PTPRT: variants seen among roughly 807,000 people sequenced by gnomAD.
PTPRT encodes the protein protein tyrosine phosphatase receptor type T, also known as receptor-type tyrosine-protein phosphatase T.
PTPRT carries 56 observed loss-of-function variants against 176.8 expected under a neutral mutation model. The observed-to-expected ratio is 0.32, with a 90% CI of 0.26 to 0.40. The LOEUF (loss-of-function observed/expected upper bound fraction) is 0.40. PTPRT is among the 10% of genes least tolerant of loss of function. The pLI is 1.00. For synonymous variants in PTPRT, 783 were observed against 739.0 expected (o/e 1.06, Z -0.96); for missense variants, 1,540 against 1,908.2 (o/e 0.81, Z 3.60).
intron 15 of PTPRT, among the ~76,000 whole-genome samples, chr20:42,215,183 C>T (rs1352295926): frequency 6.6e-6 from 1 of 152,102 alleles, no homozygotes; most frequent in African/African-American, 2.4e-5. Context: ...GCTGTCTGAG[C>T]TCTGAACCCC....
intron 1 of PTPRT, among the ~76,000 whole-genome samples, chr20:42,979,014 G>A (rs1031641616): frequency 9.2e-5 from 14 of 152,190 alleles, no homozygotes; most frequent in East Asian, 3.9e-4. Flanking sequence ...TTTCTTGCAC[G>A]AGATCAAAGA....
In PTPRT at chr20:42,085,933, C is replaced by A. The variant is rs552563844; in HGVS notation, c.3847-80G>T. On this transcript the variant is annotated intron_variant, in intron 27 of 30. Coordinates refer to ENST00000373187, the MANE Select transcript of PTPRT (RefSeq NM_007050.6). ...AAGTCTCATTTATCAACAAGCTTTTCTTTTCTTTTTTTCTTTTTCTTTTTT... is the reference window on the plus strand; with the variant it reads ...AAGTCTCATTTATCAACAAGCTTTTATTTTCTTTTTTTCTTTTTCTTTTTT... 2.0e-5 allele frequency: 28 copies of A among 1,420,664 alleles called. No homozygotes were observed. In the East Asian group the frequency reaches 6.0e-4, roughly 30 times the overall value. The allele number at this position is 1,420,664 out of a possible 1,614,324, so 88.0% of individuals were successfully genotyped here. A position where few individuals can be genotyped will look rare whatever the true frequency, so the allele number is the denominator to read the frequency against.
chr20:42,115,695 T>C (rs1417873282), intron 21 of PTPRT, among the ~76,000 whole-genome samples: 1 of 152,228 alleles, frequency 6.6e-6, no homozygotes, highest in Admixed American at 6.5e-5. Flanking sequence ...TCCAAGGCCA[T>C]GTGGCCAGTT....
chr20:42,632,655 T>C (rs558096998), intron 7 of PTPRT, among the ~76,000 whole-genome samples: 1 of 149,782 alleles, frequency 6.7e-6, no homozygotes, highest in African/African-American at 2.4e-5. Flanking sequence ...ATTTATGTAA[T>C]ATTACTAATT....
At chr20:42,707,521 G>C (rs116751158) in intron 6 of PTPRT, among the ~76,000 whole-genome samples, 2,801 of 152,228 alleles carry the variant, frequency 0.018, 94 homozygotes, top group African/African-American at 0.063. Flanking sequence ...TCCATTTTTG[G>C]CTTTGAAGAT....
chr20:42,120,535 C>G (rs79279671), intron 19 of PTPRT, among the ~76,000 whole-genome samples: 6,826 of 152,278 alleles, frequency 0.045, 493 homozygotes, highest in African/African-American at 0.15. Context: ...TTATGGAAGG[C>G]TGACCTGGGA....
At chr20:42,082,382 T>G (rs1983420406) in intron 29 of PTPRT, among the ~76,000 whole-genome samples, 1 of 152,238 alleles carries the variant, frequency 6.6e-6, no homozygotes, top group African/African-American at 2.4e-5. Flanking sequence ...GTACTGTGTC[T>G]TTGTACATGT....
the PTPRT span, among the ~76,000 whole-genome samples, chr20:42,060,850 G>C: frequency 9.9e-5 from 15 of 152,202 alleles, no homozygotes; most frequent in Admixed American, 2.0e-4. Flanking sequence ...TGCCTTTGAA[G>C]TTCCTTGCAT....
the PTPRT span, among the ~76,000 whole-genome samples, chr20:42,035,401 G>T: frequency 6.6e-6 from 1 of 152,090 alleles, no homozygotes; most frequent in Non-Finnish European, 1.5e-5. Flanking sequence ...CTCCATACCA[G>T]CTCCCAAGAG....
At chr20:42,180,892 T>C (rs969650106) in intron 16 of PTPRT, among the ~76,000 whole-genome samples, 2 of 152,178 alleles carry the variant, frequency 1.3e-5, no homozygotes, top group African/African-American at 2.4e-5. Flanking sequence ...AAGAGAAAGA[T>C]TAAGTTTAAA....
At chr20:42,453,138 G>A (rs1421397087) in intron 8 of PTPRT, among the ~76,000 whole-genome samples, 4 of 152,064 alleles carry the variant, frequency 2.6e-5, no homozygotes, top group Admixed American at 2.6e-4. Flanking sequence ...GCTTTTTGAG[G>A]TATCACTACC....
chr20:42,987,847 C>G (rs1393729191), intron 1 of PTPRT, among the ~76,000 whole-genome samples: 2 of 152,208 alleles, frequency 1.3e-5, no homozygotes, highest in Non-Finnish European at 2.9e-5. Context: ...CTTAAGGCCA[C>G]AGTCACCCGA....
chr20:42,778,683 T>C (rs2077171967), intron 4 of PTPRT, among the ~76,000 whole-genome samples: 1 of 152,202 alleles, frequency 6.6e-6, no homozygotes, highest in Non-Finnish European at 1.5e-5. Context: ...TGCCCAGTCT[T>C]AGGCTCATTC....
chr20:42,294,478 T>A (rs538489122), intron 12 of PTPRT, among the ~76,000 whole-genome samples: 4 of 151,936 alleles, frequency 2.6e-5, no homozygotes, highest in Non-Finnish European at 5.9e-5. Flanking sequence ...CTACACCCAT[T>A]CCCTATGACA....
chr20:42,557,669 C>G (rs2072883537), intron 7 of PTPRT, among the ~76,000 whole-genome samples: 1 of 152,110 alleles, frequency 6.6e-6, no homozygotes, highest in Admixed American at 6.5e-5. Flanking sequence ...GGAGTAGCAA[C>G]TTTTGCTTGT....
intron 1 of PTPRT, among the ~76,000 whole-genome samples, chr20:43,160,286 G>A (rs2014655758): frequency 6.6e-6 from 1 of 152,174 alleles, no homozygotes; most frequent in Non-Finnish European, 1.5e-5. Context: ...GAAAGAAGTT[G>A]ACCACGCTGA....
At chr20:42,748,936 T>G (rs1312919849) in intron 6 of PTPRT, among the ~76,000 whole-genome samples, 1 of 152,176 alleles carries the variant, frequency 6.6e-6, no homozygotes. Flanking sequence ...CCCTTGATTC[T>G]CTGTCTCATG....
rs565545476 is a variant in PTPRT at position 42,823,064 on chromosome 20, T to G, written c.215-31598A>C. On this transcript the variant is annotated intron_variant, in intron 2 of 30. Coordinates refer to ENST00000373187, the MANE Select transcript of PTPRT (RefSeq NM_007050.6). The stretch of plus-strand genomic sequence containing the variant: ...ATATACCCAGAGGAACGCAAATCAT[T>G]CTACTATAAAGACACATGCACATGT... Among the ~76,000 whole-genome samples, 72 of 152,262 alleles carry G rather than the reference T, an allele frequency of 4.7e-4. 1 individual carries two copies. The highest frequency in any genetic ancestry group is 1.7e-3 in the African/African-American group (71 of 41,532).
chr20:42,476,126 AAG>A (rs1019027643), intron 7 of PTPRT, among the ~76,000 whole-genome samples: 3 of 152,192 alleles, frequency 2.0e-5, no homozygotes, highest in African/African-American at 7.2e-5. Context: ...ATGAACTGTA[AAG>A]AGAGAGAAAA....
Sources: allele counts gnomAD v4.1 joint callset (sites outside exome capture counted in the v4.1 genomes callset), GRCh38; gene constraint gnomAD v4.1.1; transcripts MANE v1.5; gene names NCBI Gene and HGNC (gene_info 2026-07-23, HGNC 2026-07-21).